The following PLCB1 variants were observed in gnomAD, a reference collection of about 807,000 sequenced individuals.
PLCB1 encodes phospholipase C beta 1.
A neutral mutation model predicts 161.8 loss-of-function variants in PLCB1; 46 were observed. That is an observed-to-expected ratio of 0.28 (90% CI 0.22 to 0.36). PLCB1 has a LOEUF of 0.36. Among genes scored for constraint, PLCB1 ranks in the 10% least tolerant of loss-of-function variants. The probability of loss-of-function intolerance (pLI) is 1.00; values close to 1 mark genes in which losing one functional copy is unlikely to be tolerated. For synonymous variants in PLCB1, 517 were observed against 503.7 expected (o/e 1.03, Z -0.35); for missense variants, 1,016 against 1,472.5 (o/e 0.69, Z 5.07).
At chr20:8,472,277 GC>G (rs1296746183) in intron 3 of PLCB1, among the ~76,000 whole-genome samples, 1 of 151,840 alleles carries the variant, frequency 6.6e-6, no homozygotes, top group East Asian at 1.9e-4. Context: ...CAAAAGAATG[GC>G]CCTTTTCTTT....
At chr20:8,828,909 G>T (rs1985847066) in intron 31 of PLCB1, among the ~76,000 whole-genome samples, 1 of 152,198 alleles carries the variant, frequency 6.6e-6, no homozygotes, top group Non-Finnish European at 1.5e-5. Context: ...AGAGAATCAT[G>T]CTTCTGTTGC....
chr20:8,546,668 C>T (rs191693631), intron 3 of PLCB1, among the ~76,000 whole-genome samples: 43 of 152,142 alleles, frequency 2.8e-4, no homozygotes, highest in African/African-American at 9.9e-4. Context: ...TGATAAACCT[C>T]AGATCTGTGG....
At chr20:8,789,404 G>C in intron 29 of PLCB1, 114 bp from the exon 30 acceptor site, 3 of 758,708 alleles carry the variant, frequency 4.0e-6, no homozygotes, top group Non-Finnish European at 6.8e-6. Flanking sequence ...TAAAAATAAG[G>C]AAAAAAGAAA....
At chr20:8,459,159 C>T (rs913555737) in intron 3 of PLCB1, among the ~76,000 whole-genome samples, 4 of 152,080 alleles carry the variant, frequency 2.6e-5, no homozygotes, top group Admixed American at 2.0e-4. Context: ...GAAACACTTA[C>T]GCAGCTAAAT....
intron 3 of PLCB1, among the ~76,000 whole-genome samples, chr20:8,406,202 G>A (rs1978780928): frequency 6.6e-6 from 1 of 152,140 alleles, no homozygotes; most frequent in Admixed American, 6.5e-5. Flanking sequence ...TAGAGTAATT[G>A]AAGAAACGAA....
At chr20:8,785,289 T>C (rs2146215851) in intron 27 of PLCB1, among the ~76,000 whole-genome samples, 1 of 152,198 alleles carries the variant, frequency 6.6e-6, no homozygotes, top group East Asian at 1.9e-4. Context: ...GGGAATTTTG[T>C]TGAACATGTA....
At chr20:8,788,849 A>G (rs1983616822) in intron 29 of PLCB1, 127 bp downstream of exon 29, 1 of 640,942 alleles carries the variant, frequency 1.6e-6, no homozygotes, top group Non-Finnish European at 2.7e-6. Flanking sequence ...TCAGCCTTTC[A>G]AAAGATTCTT....
intron 31 of PLCB1, among the ~76,000 whole-genome samples, chr20:8,826,431 C>T (rs1220312687): frequency 6.7e-6 from 1 of 149,296 alleles, no homozygotes; most frequent in East Asian, 2.0e-4. Context: ...GGAGGCAGAG[C>T]TTGCAGTGAG....
At chr20:8,676,829 GA>G (rs1346143130) in intron 9 of PLCB1, among the ~76,000 whole-genome samples, 1 of 152,048 alleles carries the variant, frequency 6.6e-6, no homozygotes, top group African/African-American at 2.4e-5. Context: ...AAAAAGCAGG[GA>G]AAAAAGTAAC....
At chr20:8,249,272 A>T (rs1234744079) in intron 2 of PLCB1, among the ~76,000 whole-genome samples, 1 of 151,954 alleles carries the variant, frequency 6.6e-6, no homozygotes, top group Non-Finnish European at 1.5e-5. Context: ...AAAGGCATTT[A>T]TATTTGTGAA....
chr20:8,164,738 A>T (rs2051659052), intron 2 of PLCB1, among the ~76,000 whole-genome samples: 1 of 152,242 alleles, frequency 6.6e-6, no homozygotes, highest in African/African-American at 2.4e-5. Flanking sequence ...ATATTGGAGT[A>T]GCTCAGATGC....
chr20:8,657,166 C>T lies in PLCB1; in HGVS notation c.595-18C>T, dbSNP rs372488667. 4.0e-5 allele frequency: 57 copies of T among 1,437,486 alleles called. No individual in the cohort carries two copies. The highest frequency in any genetic ancestry group is 4.2e-5 in the Non-Finnish European group (43 of 1,020,182). 89.0% of individuals were successfully genotyped at this position (1,437,486 alleles called of 1,614,324 possible). On this transcript the variant is annotated intron_variant, in intron 7 of 31. Coordinates refer to ENST00000338037, the MANE Select transcript of PLCB1 (RefSeq NM_015192.4). ...AAGGAAAAAGACCATTTGCTGACTC[C>T]GTTGTTTTATTTCCCAGAATGATTC...
intron 2 of PLCB1, among the ~76,000 whole-genome samples, chr20:8,310,549 G>A (rs1313019249): frequency 6.6e-6 from 1 of 152,166 alleles, no homozygotes; most frequent in African/African-American, 2.4e-5. Context: ...GTATTTGGGG[G>A]CTGTCTAGGG....
At position 8,884,463 on chromosome 20, in the gene PLCB1, T is replaced by G. The variant is rs1406643592; in HGVS notation, c.*2614T>G. The G allele has an allele frequency of 6.6e-6, 1 of 152,612 alleles. No homozygotes were observed. The highest frequency in any genetic ancestry group is 1.5e-5 in the Non-Finnish European group (1 of 68,024). The allele number at this position is 152,612 out of a possible 1,614,324, so 9.5% of individuals were successfully genotyped here. A position where few individuals can be genotyped will look rare whatever the true frequency, so the allele number is the denominator to read the frequency against. ...TGAGAATAGCATGGTTTTGGCCATG[T>G]AAACCAATTTTCAAAGTTCTAATGA... On this transcript the variant is annotated 3_prime_UTR_variant, in exon 32 of 32. Coordinates refer to ENST00000338037, the MANE Select transcript of PLCB1 (RefSeq NM_015192.4).
intron 3 of PLCB1, among the ~76,000 whole-genome samples, chr20:8,490,221 T>C (rs549182367): frequency 2.0e-5 from 3 of 152,276 alleles, no homozygotes; most frequent in Admixed American, 1.3e-4. Flanking sequence ...AGGGAAGCAA[T>C]GTAATCCATT....
intron 25 of PLCB1, among the ~76,000 whole-genome samples, chr20:8,764,194 AATAAT>A (rs1463620278): frequency 2.6e-5 from 4 of 152,118 alleles, no homozygotes; most frequent in African/African-American, 9.7e-5. Context: ...TCATAATCAT[AATAAT>A]ATAGTAAAGT....
At chr20:8,667,025 A>T (rs1404060969) in intron 9 of PLCB1, among the ~76,000 whole-genome samples, 1 of 152,196 alleles carries the variant, frequency 6.6e-6, no homozygotes, top group Non-Finnish European at 1.5e-5. Flanking sequence ...GATCTGCCTC[A>T]CAATTAAGGT....
At chr20:8,200,208 G>A (rs770111242) in intron 2 of PLCB1, among the ~76,000 whole-genome samples, 3 of 151,840 alleles carry the variant, frequency 2.0e-5, no homozygotes, top group Non-Finnish European at 2.9e-5. Context: ...AATGTGATCA[G>A]CCTTATCAAT....
At chr20:8,770,199 A>C (rs1224968193) in intron 26 of PLCB1, among the ~76,000 whole-genome samples, 1 of 151,852 alleles carries the variant, frequency 6.6e-6, no homozygotes, top group Admixed American at 6.6e-5. Context: ...TGATCCGCCC[A>C]CCTCGGCCTC....
Sources: allele counts gnomAD v4.1 joint callset (sites outside exome capture counted in the v4.1 genomes callset), GRCh38; gene constraint gnomAD v4.1.1; transcripts MANE v1.5; gene names NCBI Gene and HGNC (gene_info 2026-07-23, HGNC 2026-07-21).